The following GALNT2 variants were observed in gnomAD, a reference collection of about 807,000 sequenced individuals.
The protein encoded by GALNT2 is UDP-GalNAc:polypeptide N-acetylgalactosaminyltransferase 2.
In GALNT2, 31 loss-of-function variants were observed where a neutral mutation model predicts 81.4. That is an observed-to-expected ratio of 0.38 (90% confidence interval 0.29 to 0.51). GALNT2 has a LOEUF of 0.51. Among genes scored for constraint, GALNT2 ranks in the 20% least tolerant of loss-of-function variants. GALNT2 has a pLI of 0.87. For synonymous variants in GALNT2, 303 were observed against 287.4 expected, an observed-to-expected ratio of 1.05 and a Z score of -0.55; for missense variants, 629 against 765.7, an observed-to-expected ratio of 0.82 and a Z score of 2.11.
rs954732742 is a variant in GALNT2, at chr1:230,275,726, CAT to C, written c.1560+1172_1560+1173del. On this transcript the variant is annotated intron_variant, in intron 15 of 15. Transcript: ENST00000366672. This position sits in a 1 kb window ranked among gnomAD's most constrained non-coding sequence, Gnocchi z 5.5. ...ATATACACACCACATATACACACCA[CAT>C]ATATATATACAAACACCACATATAT... Among the ~76,000 whole-genome samples, 12 of 150,318 alleles carry C rather than the reference CAT, an allele frequency of 8.0e-5. No individual in the cohort carries two copies. Among genetic ancestry groups the C allele is most frequent in the East Asian group, 7.9e-4 (4 of 5,094 alleles).
upstream of GALNT2, among the ~76,000 whole-genome samples, chr1:230,063,333 T>C (rs1659093462): frequency 6.6e-6 from 1 of 151,990 alleles, no homozygotes; most frequent in East Asian, 1.9e-4. Flanking sequence ...AAATTTTATA[T>C]AATAGCTATC....
chr1:230,101,470 T>C (rs1040130268), intron 1 of GALNT2, among the ~76,000 whole-genome samples: 2 of 152,182 alleles, frequency 1.3e-5, no homozygotes, highest in Admixed American at 1.3e-4. Context: ...GCACCTCAGG[T>C]GCCAAGGTGT....
At position 230,153,373 on chromosome 1, in the gene GALNT2, C is replaced by A. The variant is rs182676189; in HGVS notation, c.127-24845C>A. Among the ~76,000 whole-genome samples, 411 of 152,320 alleles carry A rather than the reference C, an allele frequency of 2.7e-3. 4 individuals carry two copies. Among genetic ancestry groups the A allele is most frequent in the African/African-American group, 9.5e-3 (395 of 41,568 alleles). On this transcript the variant is annotated intron_variant, in intron 1 of 15. Transcript: ENST00000366672. ...AGTGTTTCTGTAGTCAGACTGGACACCTACACACTTAAACAGTCATTGATG... is the reference window on the plus strand; with the variant it reads ...AGTGTTTCTGTAGTCAGACTGGACAACTACACACTTAAACAGTCATTGATG...
chr1:230,236,445 C>G, intron 5 of GALNT2, 25 bp downstream of exon 5: 1 of 1,605,088 alleles, frequency 6.2e-7, no homozygotes, highest in Non-Finnish European at 8.5e-7. Context: ...TGATTTTATC[C>G]CTGTGTCTGG....
intron 1 of GALNT2, among the ~76,000 whole-genome samples, chr1:230,156,210 GGAGAGA>G (rs750570856): frequency 5.5e-5 from 4 of 72,818 alleles, no homozygotes; most frequent in African/African-American, 1.3e-4. Flanking sequence ...AGCAGACGAG[GGAGAGA>G]GAGAGAGAGA....
intron 1 of GALNT2, among the ~76,000 whole-genome samples, chr1:230,163,427 T>G (rs1662496993): frequency 2.0e-5 from 3 of 152,242 alleles, no homozygotes; most frequent in Admixed American, 2.0e-4. Context: ...TCTCATGCTT[T>G]AGCGTTTCCA....
At chr1:230,258,784 C>A (rs1665793492) in intron 11 of GALNT2, 1 of 152,160 alleles carries the variant, frequency 6.6e-6, no homozygotes, top group South Asian at 2.1e-4. Flanking sequence ...GATATATGTG[C>A]TTTTTCCTGG....
rs138401535 is a variant in GALNT2 at position 230,190,982 on chromosome 1, T to A, written c.221-12155T>A. Among the ~76,000 whole-genome samples the A allele has an allele frequency of 6.7e-3, 1,020 of 152,292 alleles. 15 individuals carry two copies. Among genetic ancestry groups the A allele is most frequent in the African/African-American group, 0.024 (978 of 41,536 alleles). ...GGTCAATGGCAATGCATGCATTTTTTAATATTAGTTGCCATTTTATCTTCC... is the reference window on the plus strand; with the variant it reads ...GGTCAATGGCAATGCATGCATTTTTAAATATTAGTTGCCATTTTATCTTCC... On this transcript the variant is annotated intron_variant, in intron 2 of 15. Coordinates refer to ENST00000366672, the MANE Select transcript of GALNT2 (RefSeq NM_004481.5).
At position 230,203,212 on chromosome 1, in the gene GALNT2, AC is replaced by A; in HGVS notation, c.297del (p.Tyr99Ter). On this transcript the variant is annotated frameshift_variant, in exon 3 of 16. Transcript: ENST00000366672. LOFTEE classifies it high-confidence loss of function. ...ATGGTCCGCTCCGGGCAGGACCCTT[AC>A]GCCCGCAACAAGTTCAACCAGGTGG... ...GTMVRSGQDP[Y>X]ARNKFNQVES... 1 of 1,614,204 alleles carries A rather than the reference AC, an allele frequency of 6.2e-7. No homozygotes were observed. Among genetic ancestry groups the A allele is most frequent in the Admixed American group, 1.7e-5 (1 of 60,026 alleles).
rs1003059732 is a variant in GALNT2, at chr1:230,165,570, A to C, written c.127-12648A>C. 2.0e-5 allele frequency among the ~76,000 whole-genome samples: 3 copies of C among 152,200 alleles called. No homozygotes were observed. In the South Asian group the frequency reaches 6.2e-4, roughly 32 times the overall value. On this transcript the variant is annotated intron_variant, in intron 1 of 15. Transcript: ENST00000366672. ...ATGCCAAGCCAAGTTGCTTTCCGAT[A>C]AGGTTTAATTTACACTGTGTCCTTT... is the stretch of plus-strand genomic sequence containing the variant.
chr1:230,071,669 C>A (rs1015541638), intron 1 of GALNT2, among the ~76,000 whole-genome samples: 1 of 152,134 alleles, frequency 6.6e-6, no homozygotes, highest in African/African-American at 2.4e-5. Context: ...CCATACCACT[C>A]CTTGCCACCT....
At chr1:230,091,052 C>G (rs184895497) in intron 1 of GALNT2, among the ~76,000 whole-genome samples, 41 of 149,886 alleles carry the variant, frequency 2.7e-4, no homozygotes, top group African/African-American at 1.0e-3. Flanking sequence ...ACTCCGCAGA[C>G]CTTTTCTTTT....
chr1:230,216,368 TAAAAG>T (rs1044743907), intron 3 of GALNT2, among the ~76,000 whole-genome samples: 1 of 152,242 alleles, frequency 6.6e-6, no homozygotes, highest in African/African-American at 2.4e-5. Context: ...CTAATGAACT[TAAAAG>T]AAGCAGCATT....
intron 3 of GALNT2, among the ~76,000 whole-genome samples, chr1:230,217,092 A>G (rs1664412090): frequency 6.6e-6 from 1 of 152,240 alleles, no homozygotes; most frequent in Non-Finnish European, 1.5e-5. Context: ...ACATTAAAAA[A>G]AAACTCTGCC....
intron 3 of GALNT2, among the ~76,000 whole-genome samples, 184 bp from the exon 4 acceptor site, chr1:230,235,830 T>G (rs1665009790): frequency 2.6e-5 from 4 of 152,166 alleles, no homozygotes; most frequent in Admixed American, 2.0e-4. Flanking sequence ...TCCGGTTGTG[T>G]TTTTCTGTTT....
rs532890806 is a variant in GALNT2 at position 230,279,806 on chromosome 1, G to A, written c.*348G>A. 2.7e-4 allele frequency: 132 copies of A among 491,118 alleles called. 1 individual carries two copies. The highest frequency in any genetic ancestry group is 1.3e-3 in the African/African-American group (69 of 51,698). 30.4% of individuals were successfully genotyped at this position (491,118 alleles called of 1,614,324 possible). ...TAGAAGCAACTGAACGGATGCGTGCGAGCTGAGGACAGGGCGGGAGGAGGG... is the reference window on the plus strand; with the variant it reads ...TAGAAGCAACTGAACGGATGCGTGCAAGCTGAGGACAGGGCGGGAGGAGGG... On this transcript the variant is annotated 3_prime_UTR_variant, in exon 16 of 16. Coordinates refer to ENST00000366672, the MANE Select transcript of GALNT2 (RefSeq NM_004481.5). The surrounding 1 kb of genome is among the most constrained non-coding windows in gnomAD (Gnocchi z 4.6).
At chr1:230,151,065 T>G (rs1255559186) in intron 1 of GALNT2, among the ~76,000 whole-genome samples, 1 of 152,234 alleles carries the variant, frequency 6.6e-6, no homozygotes, top group East Asian at 1.9e-4. Context: ...CTGGGTTGCC[T>G]GGAGCACAAT....
At chr1:230,067,172 C>T (rs183724411), upstream of GALNT2, 13,693 of 565,206 alleles carry the variant, frequency 0.024, 296 homozygotes, top group African/African-American at 0.089. Flanking sequence ...GGAGCCGCCG[C>T]CGCGCCCTTC....
At position 230,243,165 on chromosome 1, in the gene GALNT2, C is replaced by T; in HGVS notation, c.608-141C>T. ...CTGTCTCATGGAGCAGTTTTGATCT[C>T]ATCCAGCAAGTTTACAGTAATGTCC... On this transcript the variant is annotated intron_variant, in intron 6 of 15. Coordinates refer to ENST00000366672, the MANE Select transcript of GALNT2 (RefSeq NM_004481.5). This position sits in a 1 kb window ranked among gnomAD's most constrained non-coding sequence, Gnocchi z 4.2. 9.1e-7 allele frequency: 1 copy of T among 1,095,040 alleles called. No homozygotes were observed. Among genetic ancestry groups the T allele is most frequent in the Non-Finnish European group, 1.3e-6 (1 of 789,002 alleles). 67.8% of individuals were successfully genotyped at this position (1,095,040 alleles called of 1,614,324 possible).
Sources: gnomAD v4.1 joint callset for allele counts (sites outside exome capture counted in the v4.1 genomes callset) on GRCh38, gnomAD v4.1.1 for gene constraint, Gnocchi (gnomAD v3.1) non-coding constraint, MANE v1.5 for transcripts, NCBI Gene and HGNC (gene_info 2026-07-23, HGNC 2026-07-21) for gene names.